Variants in COG6 observed in about 807,000 individuals in gnomAD.
COG6 encodes component of oligomeric golgi complex 6.
In COG6, 74 loss-of-function variants were observed where a neutral mutation model predicts 88.8. The ratio of observed to expected loss-of-function variants is 0.83; its 90% CI spans 0.69 to 1.01. The LOEUF (loss-of-function observed/expected upper bound fraction) is 1.01, where lower values mean the gene tolerates loss of function less well. COG6 is among the 50% of genes least tolerant of loss of function. The pLI is 0.00. For synonymous variants in COG6, 286 were observed against 278.7 expected (o/e 1.03, Z -0.26); for missense variants, 800 against 797.9 (o/e 1.00, Z -0.03).
intron 10 of COG6, 69 bp downstream of exon 10, chr13:39,687,868 T>C: frequency 1.8e-6 from 2 of 1,109,880 alleles, no homozygotes; most frequent in Admixed American, 3.7e-5. Flanking sequence ...GTTTCTGTTC[T>C]TGTTGCCATC....
intron 4 of COG6, among the ~76,000 whole-genome samples, chr13:39,665,876 C>T (rs994053095): frequency 1.2e-4 from 18 of 152,164 alleles, no homozygotes; most frequent in Admixed American, 2.0e-4. Flanking sequence ...GGTCAGTATA[C>T]TATAGTATAG....
downstream of COG6, among the ~76,000 whole-genome samples, chr13:39,755,064 T>C (rs1366595924): frequency 6.6e-6 from 1 of 152,096 alleles, no homozygotes; most frequent in Non-Finnish European, 1.5e-5. Context: ...ATTAAGGAAC[T>C]TAAAAATTTT....
At chr13:39,713,869 A>G (rs182829300) in intron 13 of COG6, among the ~76,000 whole-genome samples, 15 of 152,366 alleles carry the variant, frequency 9.8e-5, no homozygotes, top group African/African-American at 3.6e-4. Flanking sequence ...TTATTCTGCT[A>G]CAGGATTTTA....
intron 13 of COG6, among the ~76,000 whole-genome samples, chr13:39,715,102 G>A (rs1161499431): frequency 1.3e-5 from 2 of 151,884 alleles, no homozygotes; most frequent in South Asian, 2.1e-4. Context: ...TATTGGGCAC[G>A]ATATACACTA....
chr13:39,679,556 G>A lies in COG6; in HGVS notation c.559G>A (p.Gly187Arg). ...TTTAAAGGATTTTTTCAAGGCACTG[G>A]GAAGAGTAAAACAGATTCATAATGA... ...PITEDFFKAL[G>R]RVKQIHNDVK... is the part of the protein sequence containing the mutation. Residue 187 changes from glycine to arginine, a missense_variant, in exon 6 of 19, where the codon GGA (glycine) becomes AGA (arginine). Transcript: ENST00000455146. 6.3e-7 allele frequency: 1 copy of A among 1,596,324 alleles called. No homozygotes were observed. Among genetic ancestry groups the A allele is most frequent in the Non-Finnish European group, 8.6e-7 (1 of 1,164,012 alleles).
chr13:39,772,278 C>G (rs1233175415), intron 18 of COG6, among the ~76,000 whole-genome samples: 1 of 152,208 alleles, frequency 6.6e-6, no homozygotes, highest in Non-Finnish European at 1.5e-5. Context: ...GATGACTCTC[C>G]TACCTCTGAG....
In COG6 at chr13:39,772,305, T is replaced by C. The variant is rs375428681; in HGVS notation, c.1827-16030T>C. Among the ~76,000 whole-genome samples, 27 of 152,320 alleles carry C rather than the reference T, an allele frequency of 1.8e-4. No homozygotes were observed. The South Asian group carries it at 5.6e-3, about 32-fold the overall frequency. On this transcript the variant is annotated intron_variant, in intron 18 of 18. Coordinates refer to the COG6 transcript ENST00000416691. ...ACCTCTGAGCCTCCAGAATATATTGTACCTGCTTCACATCATAATTCTTTG... is the reference window on the plus strand; with the variant it reads ...ACCTCTGAGCCTCCAGAATATATTGCACCTGCTTCACATCATAATTCTTTG...
At chr13:39,758,218 CAAA>C (rs34210362) in intron 18 of COG6, among the ~76,000 whole-genome samples, 5 of 55,806 alleles carry the variant, frequency 9.0e-5, no homozygotes, top group East Asian at 1.1e-3. Context: ...GATGCCTTCT[CAAA>C]AAAAAAAAAA....
exon 19 of COG6, chr13:39,788,695 T>C (rs1021650708): frequency 1.6e-5 from 4 of 247,808 alleles, no homozygotes; most frequent in Admixed American, 5.2e-5. Flanking sequence ...ATTATCACTA[T>C]TGTTGTTCTT....
chr13:39,727,407 ATT>A (rs1879189161), intron 17 of COG6, 60 bp from the exon 18 acceptor site: 1 of 1,168,432 alleles, frequency 8.6e-7, no homozygotes, highest in East Asian at 2.3e-5. Context: ...AGATGTTTAT[ATT>A]TGAGTTGTTT....
At chr13:39,779,848 C>T (rs1002195936) in intron 18 of COG6, among the ~76,000 whole-genome samples, 1 of 152,100 alleles carries the variant, frequency 6.6e-6, no homozygotes, top group Non-Finnish European at 1.5e-5. Flanking sequence ...CATGAACAAA[C>T]GTTACAAGAA....
chr13:39,759,081 C>A (rs533774557), intron 18 of COG6, among the ~76,000 whole-genome samples: 1 of 151,870 alleles, frequency 6.6e-6, no homozygotes, highest in African/African-American at 2.4e-5. Context: ...AGGAACTGAT[C>A]GGGAAGAGAC....
chr13:39,770,208 G>A (rs1881280920), intron 18 of COG6, among the ~76,000 whole-genome samples: 1 of 152,136 alleles, frequency 6.6e-6, no homozygotes, highest in Admixed American at 6.5e-5. Context: ...ATATTAGTTA[G>A]GTTTTCTTTT....
At position 39,694,702 on chromosome 13, in the gene COG6, C is replaced by T. The variant is rs544674607; in HGVS notation, c.1143C>T (p.Leu381=). 7 of 1,577,212 alleles carry T rather than the reference C, an allele frequency of 4.4e-6. No homozygotes were observed. The South Asian group carries it at 6.7e-5, about 15-fold the overall frequency. The change falls in exon 12 of 19, where the codon CTC becomes CTT. Residue 381 remains leucine (L), a synonymous_variant. Coordinates refer to ENST00000455146, the MANE Select transcript of COG6 (RefSeq NM_020751.3). ...AVLLYKISNL[L]KFYHHTISGI... ...TATTATATAAAATTTCTAATCTCCTCAAATTTTATCACCATACAATCAGGT... is the reference window on the plus strand; with the variant it reads ...TATTATATAAAATTTCTAATCTCCTTAAATTTTATCACCATACAATCAGGT...
downstream of COG6, among the ~76,000 whole-genome samples, chr13:39,755,772 G>C (rs9548922): frequency 0.49 from 74,984 of 152,018 alleles, 19,021 homozygotes; most frequent in South Asian, 0.68. Context: ...CAGACACACA[G>C]AGTCCTTCAG....
intron 18 of COG6, among the ~76,000 whole-genome samples, chr13:39,746,905 A>AT (rs1259564834): frequency 6.6e-6 from 1 of 152,228 alleles, no homozygotes; most frequent in Non-Finnish European, 1.5e-5. Flanking sequence ...GTTCCCTAAA[A>AT]TAATGTATGT....
chr13:39,776,511 G>C (rs1881467938), intron 18 of COG6, among the ~76,000 whole-genome samples: 1 of 152,150 alleles, frequency 6.6e-6, no homozygotes, highest in South Asian at 2.1e-4. Flanking sequence ...CCCCTTGCCT[G>C]GTAACGTTAA....
intron 18 of COG6, among the ~76,000 whole-genome samples, chr13:39,744,521 A>G (rs1330151953): frequency 6.6e-6 from 1 of 152,218 alleles, no homozygotes; most frequent in Non-Finnish European, 1.5e-5. Context: ...CAAAGAGAAT[A>G]AAATAACCTA....
chr13:39,764,092 CTGTT>C (rs1881099018), intron 18 of COG6, among the ~76,000 whole-genome samples: 2 of 151,760 alleles, frequency 1.3e-5, no homozygotes, highest in African/African-American at 2.4e-5. Context: ...AGACGTAAAA[CTGTT>C]TGGTTGTTCT....
Sources: gnomAD v4.1 joint callset for allele counts (sites outside exome capture counted in the v4.1 genomes callset) on GRCh38, gnomAD v4.1.1 for gene constraint, MANE v1.5 for transcripts, NCBI Gene and HGNC (gene_info 2026-07-23, HGNC 2026-07-21) for gene names.